The following SIPA1L3 variants were observed in gnomAD, a reference collection of about 807,000 sequenced individuals.
The protein encoded by SIPA1L3 is signal induced proliferation associated 1 like 3.
In SIPA1L3, 59 loss-of-function variants were observed where a neutral mutation model predicts 150.1. The ratio of observed to expected loss-of-function variants is 0.39; its 90% CI spans 0.32 to 0.49. SIPA1L3 has a LOEUF of 0.49. SIPA1L3 is among the 20% of genes least tolerant of loss of function. SIPA1L3 has a pLI of 0.86. For missense variants in SIPA1L3, 2,211 were observed against 2,489.5 expected (o/e 0.89, Z 2.38); for synonymous variants, 1,070 against 1,077.6 (o/e 0.99, Z 0.14).
intron 2 of SIPA1L3, among the ~76,000 whole-genome samples, chr19:38,078,484 GCA>G (rs377675160): frequency 8.7e-4 from 112 of 128,008 alleles, no homozygotes; most frequent in African/African-American, 2.9e-3. Context: ...ACACAGACAT[GCA>G]CACACACACA....
At chr19:38,153,181 G>C (rs1971867225) in intron 13 of SIPA1L3, among the ~76,000 whole-genome samples, 2 of 152,242 alleles carry the variant, frequency 1.3e-5, no homozygotes, top group African/African-American at 4.8e-5. Flanking sequence ...GCATCGGCAG[G>C]TGGCGTCTGC....
At chr19:38,019,365 C>T (rs530308147) in intron 1 of SIPA1L3, among the ~76,000 whole-genome samples, 1 of 152,302 alleles carries the variant, frequency 6.6e-6, no homozygotes, top group Admixed American at 6.5e-5. Flanking sequence ...AGTGTGACTG[C>T]TGGAGTCAAG....
chr19:37,978,828 A>G (rs1315877281), intron 1 of SIPA1L3, among the ~76,000 whole-genome samples: 1 of 151,926 alleles, frequency 6.6e-6, no homozygotes, highest in East Asian at 1.9e-4. Context: ...TTTAAAAATT[A>G]GCTGGGTACG....
intron 15 of SIPA1L3, 131 bp from the exon 16 acceptor site, chr19:38,182,388 G>A: frequency 1.4e-6 from 1 of 713,908 alleles, no homozygotes; most frequent in Non-Finnish European, 2.4e-6. Context: ...ATTTTCCACA[G>A]CGGTAATATA....
At chr19:38,030,623 A>AAT (rs757828313) in intron 2 of SIPA1L3, among the ~76,000 whole-genome samples, 3,953 of 42,478 alleles carry the variant, frequency 0.093, 141 homozygotes, top group Non-Finnish European at 0.17. Context: ...ATATGTGGCA[A>AAT]ATATATATAT....
intron 1 of SIPA1L3, among the ~76,000 whole-genome samples, chr19:37,985,202 T>C (rs1164301659): frequency 6.6e-6 from 1 of 151,284 alleles, no homozygotes; most frequent in Non-Finnish European, 1.5e-5. Flanking sequence ...TTTTTTCTTT[T>C]TTTTTTTTTT....
At chr19:38,194,791 C>T (rs1226523236) in intron 18 of SIPA1L3, among the ~76,000 whole-genome samples, 1 of 152,204 alleles carries the variant, frequency 6.6e-6, no homozygotes, top group Non-Finnish European at 1.5e-5. Flanking sequence ...TGGCTCACGC[C>T]TGTAATCCCA....
chr19:38,015,905 C>A (rs1329647738), intron 1 of SIPA1L3, among the ~76,000 whole-genome samples: 2 of 151,988 alleles, frequency 1.3e-5, no homozygotes, highest in African/African-American at 4.8e-5. Flanking sequence ...AATATGCTTA[C>A]TTTATACTTT....
intron 9 of SIPA1L3, among the ~76,000 whole-genome samples, chr19:38,126,030 C>T (rs894995306): frequency 3.3e-5 from 5 of 152,108 alleles, no homozygotes; most frequent in African/African-American, 7.2e-5. Flanking sequence ...AAAAATTAGC[C>T]GGGCGTGGTG....
At chr19:38,103,431 A>C (rs1970551898) in intron 6 of SIPA1L3, among the ~76,000 whole-genome samples, 2 of 152,090 alleles carry the variant, frequency 1.3e-5, no homozygotes, top group Admixed American at 1.3e-4. Flanking sequence ...GTTCGAGACC[A>C]GCCTGGCCAA....
At chr19:38,100,436 TC>T (rs1435554145) in intron 5 of SIPA1L3, among the ~76,000 whole-genome samples, 9 of 152,188 alleles carry the variant, frequency 5.9e-5, no homozygotes, top group South Asian at 4.2e-4. Flanking sequence ...AGTGTGTCTT[TC>T]CTCCCCGCTC....
chr19:38,146,481 C>T (rs976455920), intron 12 of SIPA1L3, among the ~76,000 whole-genome samples: 2 of 151,998 alleles, frequency 1.3e-5, no homozygotes, highest in Admixed American at 6.6e-5. Context: ...GGGTAGTTTC[C>T]GAGTTTTGGC....
chr19:37,980,812 G>T (rs1239484015), intron 1 of SIPA1L3, among the ~76,000 whole-genome samples: 4 of 152,206 alleles, frequency 2.6e-5, no homozygotes, highest in Admixed American at 2.6e-4. Context: ...CTCGAGAGAG[G>T]GTTATTGGGG....
intron 14 of SIPA1L3, 117 bp downstream of exon 14, chr19:38,162,488 T>C (rs1017974647): frequency 1.3e-6 from 1 of 747,824 alleles, no homozygotes. Flanking sequence ...AGCAGAGGGG[T>C]TGAATACTTG....
chr19:37,979,323 T>G (rs1599862250), intron 1 of SIPA1L3, among the ~76,000 whole-genome samples: 1 of 151,492 alleles, frequency 6.6e-6, no homozygotes, highest in Non-Finnish European at 1.5e-5. Flanking sequence ...CCGAGGCAGG[T>G]GGATTTCCTG....
chr19:37,959,822 T>TC (rs2046841821), intron 1 of SIPA1L3, among the ~76,000 whole-genome samples: 1 of 151,638 alleles, frequency 6.6e-6, no homozygotes, highest in Admixed American at 6.6e-5. Context: ...ACTTTCTTTT[T>TC]TTTTTTTTTT....
At chr19:38,120,833 G>C (rs1360140092) in intron 9 of SIPA1L3, among the ~76,000 whole-genome samples, 1 of 152,264 alleles carries the variant, frequency 6.6e-6, no homozygotes, top group Non-Finnish European at 1.5e-5. Context: ...AAAGAACACT[G>C]TGGTCAGTGA....
intron 16 of SIPA1L3, among the ~76,000 whole-genome samples, chr19:38,190,091 C>T (rs1361392596): frequency 6.6e-6 from 1 of 152,036 alleles, no homozygotes. Context: ...TTCTGAAGGA[C>T]GCGTTTCCAG....
chr19:38,174,302 A>G (rs1972392612), intron 15 of SIPA1L3, among the ~76,000 whole-genome samples: 1 of 152,202 alleles, frequency 6.6e-6, no homozygotes. Context: ...CTGGAGCACA[A>G]TTCCAGCCGC....
Sources: gnomAD v4.1 joint callset for allele counts (sites outside exome capture counted in the v4.1 genomes callset) on GRCh38, gnomAD v4.1.1 for gene constraint, MANE v1.5 for transcripts, NCBI Gene and HGNC (gene_info 2026-07-23, HGNC 2026-07-21) for gene names.